The following NBAS variants were observed in gnomAD, a reference collection of about 807,000 sequenced individuals.
The protein encoded by NBAS is NAG/BC035112 fusion.
Under a neutral mutation model 302.5 loss-of-function variants are expected in NBAS, and 219 were observed. The ratio of observed to expected loss-of-function variants is 0.72; its 90% CI spans 0.65 to 0.81. The LOEUF (loss-of-function observed/expected upper bound fraction) is 0.81. Among genes scored for constraint, NBAS ranks in the 30% least tolerant of loss-of-function variants. NBAS has a pLI of 0.00. For synonymous variants in NBAS, 1,118 were observed against 1,021.6 expected (o/e 1.09, Z -1.80); for missense variants, 2,932 against 2,841.6 (o/e 1.03, Z -0.72).
At chr2:15,457,658 C>A (rs1238170996) in intron 21 of NBAS, among the ~76,000 whole-genome samples, 5 of 152,194 alleles carry the variant, frequency 3.3e-5, no homozygotes, top group Admixed American at 6.5e-5. Context: ...CAGTTCCATG[C>A]ACGTTCGAGG....
At chr2:14,791,029 A>G in the NBAS span, among the ~76,000 whole-genome samples, 1 of 151,936 alleles carries the variant, frequency 6.6e-6, no homozygotes, top group African/African-American at 2.4e-5. Flanking sequence ...CTGATTTTGT[A>G]TTTTTAGTAG....
the NBAS span, among the ~76,000 whole-genome samples, chr2:14,797,427 C>T: frequency 1.3e-5 from 2 of 152,176 alleles, no homozygotes; most frequent in Non-Finnish European, 2.9e-5. Flanking sequence ...GGGGCTAGGC[C>T]AGCCCAGGAG....
the NBAS span, among the ~76,000 whole-genome samples, chr2:14,846,609 A>C: frequency 3.9e-5 from 6 of 152,244 alleles, no homozygotes; most frequent in South Asian, 2.1e-4. Flanking sequence ...CAAAAATAAT[A>C]ACTACAAATT....
downstream of NBAS, among the ~76,000 whole-genome samples, chr2:15,166,204 G>T (rs1161857790): frequency 6.6e-6 from 1 of 152,146 alleles, no homozygotes; most frequent in Non-Finnish European, 1.5e-5. Context: ...TGCTATTCAC[G>T]CCCTTGCTAT....
chr2:15,218,633 T>C, intron 48 of NBAS, 140 bp downstream of exon 48: 1 of 1,036,550 alleles, frequency 9.6e-7, no homozygotes, highest in South Asian at 1.3e-5. Flanking sequence ...GTTGGCCAGG[T>C]GCCAGGCTGG....
intron 42 of NBAS, among the ~76,000 whole-genome samples, chr2:15,285,014 A>G (rs1669975793): frequency 6.6e-6 from 1 of 152,238 alleles, no homozygotes; most frequent in Non-Finnish European, 1.5e-5. Flanking sequence ...GTACAGATAC[A>G]ACATCCTTTT....
the NBAS span, among the ~76,000 whole-genome samples, chr2:14,910,924 ATT>A: frequency 6.6e-6 from 1 of 152,328 alleles, no homozygotes; most frequent in African/African-American, 2.4e-5. Context: ...CTCTTTGGTA[ATT>A]TACCCGCACA....
At chr2:15,032,144 C>T in the NBAS span, among the ~76,000 whole-genome samples, 3 of 152,190 alleles carry the variant, frequency 2.0e-5, no homozygotes, top group Non-Finnish European at 4.4e-5. Context: ...CTGGACTCCA[C>T]CTTGCTATGG....
intron 47 of NBAS, among the ~76,000 whole-genome samples, chr2:15,219,570 T>A (rs1189310831): frequency 9.5e-5 from 13 of 136,758 alleles, no homozygotes; most frequent in Non-Finnish European, 1.5e-4. Context: ...ACAAAGCACA[T>A]CTTGCACCGC....
intron 48 of NBAS, among the ~76,000 whole-genome samples, chr2:15,192,430 CA>C (rs531018740): frequency 2.0e-4 from 30 of 151,722 alleles, no homozygotes; most frequent in Non-Finnish European, 3.7e-4. Flanking sequence ...ATGGAGTTGC[CA>C]TAAATTTGTG....
chr2:14,963,467 G>A, the NBAS span, among the ~76,000 whole-genome samples: 3 of 152,142 alleles, frequency 2.0e-5, no homozygotes, highest in African/African-American at 7.2e-5. Context: ...AACCCTTGGT[G>A]TAACACATAC....
the NBAS span, among the ~76,000 whole-genome samples, chr2:15,012,193 G>C: frequency 2.4e-4 from 36 of 152,104 alleles, no homozygotes; most frequent in African/African-American, 8.2e-4. Context: ...AATTCATTAT[G>C]TAAAAGAGAA....
At chr2:15,192,614 C>A (rs577454228) in intron 48 of NBAS, among the ~76,000 whole-genome samples, 1 of 152,268 alleles carries the variant, frequency 6.6e-6, no homozygotes, top group Non-Finnish European at 1.5e-5. Flanking sequence ...TCACTCTGGG[C>A]ATCATATCTG....
intron 9 of NBAS, among the ~76,000 whole-genome samples, chr2:15,529,354 G>A (rs531830743): frequency 6.6e-6 from 1 of 152,120 alleles, no homozygotes; most frequent in African/African-American, 2.4e-5. Flanking sequence ...ACAGCCAAGT[G>A]TGGTGGTGTG....
the NBAS span, among the ~76,000 whole-genome samples, chr2:15,146,473 A>G: frequency 6.6e-6 from 1 of 152,136 alleles, no homozygotes; most frequent in Non-Finnish European, 1.5e-5. Context: ...AAACTCAATG[A>G]AAGTCCAACA....
At chr2:14,837,695 G>T in the NBAS span, among the ~76,000 whole-genome samples, 1 of 150,818 alleles carries the variant, frequency 6.6e-6, no homozygotes, top group African/African-American at 2.4e-5. Context: ...CTCACTTTTT[G>T]CTATAAACTT....
Position 15,553,547 on chromosome 2 carries a change from TA to T in NBAS, c.288-75del, listed in dbSNP as rs1664482033. Reference sequence around the variant, plus strand: ...TAGCAGTTTTCAGCACAGATGGAATTATTTAATAAGTTAAAAATCATTTTTA... The same window carrying T: ...TAGCAGTTTTCAGCACAGATGGAATTTTTAATAAGTTAAAAATCATTTTTA... On this transcript the variant is annotated intron_variant, in intron 4 of 51. Coordinates refer to ENST00000281513, the MANE Select transcript of NBAS (RefSeq NM_015909.4). 4 of 1,301,402 alleles carry T rather than the reference TA, an allele frequency of 3.1e-6. No homozygotes were observed. In the African/African-American group the frequency reaches 5.9e-5, roughly 19 times the overall value. The allele number at this position is 1,301,402 out of a possible 1,614,324, so 80.6% of individuals were successfully genotyped here.
the NBAS span, among the ~76,000 whole-genome samples, chr2:14,789,059 G>T: frequency 3.3e-5 from 5 of 152,186 alleles, no homozygotes; most frequent in Non-Finnish European, 7.3e-5. Flanking sequence ...CCCCAGCCTC[G>T]CTGCCGCCTT....
At chr2:15,220,026 G>T (rs1254942434) in intron 47 of NBAS, among the ~76,000 whole-genome samples, 31 of 146,498 alleles carry the variant, frequency 2.1e-4, no homozygotes, top group African/African-American at 6.6e-4. Context: ...TGGCCAGGCG[G>T]GGGGCTGATC....
Sources: gnomAD v4.1 joint callset for allele counts (sites outside exome capture counted in the v4.1 genomes callset) on GRCh38, gnomAD v4.1.1 for gene constraint, MANE v1.5 for transcripts, NCBI Gene and HGNC (gene_info 2026-07-23, HGNC 2026-07-21) for gene names.